The following THSD7B variants were observed in gnomAD, a reference collection of about 807,000 sequenced individuals.
The protein encoded by THSD7B is thrombospondin type-1 domain-containing protein 7B.
Under a neutral mutation model 213.6 loss-of-function variants are expected in THSD7B, and 138 were observed. The observed-to-expected ratio is 0.65, with a 90% CI of 0.56 to 0.74. THSD7B has a LOEUF of 0.74. THSD7B is among the 30% of genes least tolerant of loss of function. The probability of loss-of-function intolerance (pLI) is 0.00; values close to 1 mark genes in which losing one functional copy is unlikely to be tolerated. For missense variants in THSD7B, 1,931 were observed against 1,991.5 expected (o/e 0.97, Z 0.58); for synonymous variants, 742 against 687.0 (o/e 1.08, Z -1.25).
intron 12 of THSD7B, among the ~76,000 whole-genome samples, chr2:137,367,023 G>A (rs528091249): frequency 3.7e-4 from 56 of 151,666 alleles, no homozygotes; most frequent in African/African-American, 1.2e-3. Context: ...ATATGTACTC[G>A]TTTCAGACTT....
intron 14 of THSD7B, among the ~76,000 whole-genome samples, chr2:137,417,037 A>G (rs1384800416): frequency 6.6e-6 from 1 of 152,250 alleles, no homozygotes; most frequent in Non-Finnish European, 1.5e-5. Context: ...TATTTTCATT[A>G]GTATATCATC....
At chr2:137,076,276 TA>T (rs1687620323) in intron 3 of THSD7B, among the ~76,000 whole-genome samples, 1 of 152,178 alleles carries the variant, frequency 6.6e-6, no homozygotes, top group Non-Finnish European at 1.5e-5. Flanking sequence ...CTAATCAAAC[TA>T]ATTCGACAAT....
At chr2:136,959,126 C>T (rs924504674) in intron 2 of THSD7B, among the ~76,000 whole-genome samples, 2 of 152,180 alleles carry the variant, frequency 1.3e-5, no homozygotes, top group Non-Finnish European at 2.9e-5. Context: ...AGAGGTTAGA[C>T]ACTACCTAGG....
At chr2:137,194,157 C>A (rs985952423) in intron 7 of THSD7B, among the ~76,000 whole-genome samples, 7 of 152,136 alleles carry the variant, frequency 4.6e-5, no homozygotes, top group African/African-American at 1.7e-4. Flanking sequence ...TGGAGAAAAC[C>A]CATCTTCCAA....
chr2:136,770,344 G>C lies in THSD7B; in HGVS notation c.-36+4657G>C, dbSNP rs2104897767. On this transcript the variant is annotated intron_variant, in intron 1 of 27. Transcript: ENST00000409968. ...GTTTGCTTCTGGGCTCTCCTCTATTGATTTTTGCCTTTTGTGCTTACGTTA... is the reference window on the plus strand; with the variant it reads ...GTTTGCTTCTGGGCTCTCCTCTATTCATTTTTGCCTTTTGTGCTTACGTTA... Among the ~76,000 whole-genome samples, 5 of 152,238 alleles carry C rather than the reference G, an allele frequency of 3.3e-5. No individual in the cohort carries two copies. The South Asian group carries it at 1.0e-3, about 32-fold the overall frequency.
At chr2:137,567,713 G>C (rs988734647) in intron 16 of THSD7B, among the ~76,000 whole-genome samples, 4 of 152,096 alleles carry the variant, frequency 2.6e-5, no homozygotes, top group Non-Finnish European at 4.4e-5. Flanking sequence ...AGCAACGTTA[G>C]GAATAATGGC....
intron 3 of THSD7B, among the ~76,000 whole-genome samples, chr2:137,080,407 T>G (rs1349188150): frequency 6.9e-6 from 1 of 145,680 alleles, no homozygotes; most frequent in Non-Finnish European, 1.5e-5. Context: ...AGAGACAGGG[T>G]TTCACCATGT....
At chr2:136,858,823 A>T (rs969082421) in intron 1 of THSD7B, among the ~76,000 whole-genome samples, 7 of 152,190 alleles carry the variant, frequency 4.6e-5, no homozygotes, top group Non-Finnish European at 5.9e-5. Context: ...ATATCTTCCC[A>T]TGGTGCGCCC....
chr2:136,975,608 G>A (rs1042156641), intron 2 of THSD7B, among the ~76,000 whole-genome samples: 1 of 152,174 alleles, frequency 6.6e-6, no homozygotes, highest in African/African-American at 2.4e-5. Flanking sequence ...ATAGTTTGAA[G>A]TCAGGTAGTT....
At chr2:136,885,249 C>A in intron 2 of THSD7B, among the ~76,000 whole-genome samples, 1 of 151,730 alleles carries the variant, frequency 6.6e-6, no homozygotes, top group East Asian at 1.9e-4. Context: ...TTGTTCCCCA[C>A]CCCCACACCC....
At chr2:137,281,475 G>C (rs1392595235) in intron 12 of THSD7B, among the ~76,000 whole-genome samples, 1 of 151,824 alleles carries the variant, frequency 6.6e-6, no homozygotes, top group Non-Finnish European at 1.5e-5. Context: ...TGTTACATAT[G>C]TATACATGTG....
chr2:137,125,684 C>T lies in THSD7B; in HGVS notation c.1369+10391C>T, dbSNP rs568257964. ...TCTTAATGGCATCTAGAATGGTGAA[C>T]GCATTTTCAATTTACTTTTCATTTA... On this transcript the variant is annotated intron_variant, in intron 5 of 27. Coordinates refer to ENST00000409968, the MANE Select transcript of THSD7B (RefSeq NM_001316349.2). Among the ~76,000 whole-genome samples the T allele has an allele frequency of 5.3e-5, 8 of 152,214 alleles. No individual in the cohort carries two copies. The South Asian group carries it at 6.2e-4, about 12-fold the overall frequency.
chr2:137,402,046 G>A (rs748794262), intron 12 of THSD7B, among the ~76,000 whole-genome samples: 1 of 152,146 alleles, frequency 6.6e-6, no homozygotes, highest in Non-Finnish European at 1.5e-5. Context: ...TACTTGCTTG[G>A]AGAATGATCA....
chr2:137,019,297 A>G (rs1298947152), intron 2 of THSD7B, among the ~76,000 whole-genome samples: 1 of 152,140 alleles, frequency 6.6e-6, no homozygotes. Context: ...GAAAACCCGT[A>G]TTTATGTTTC....
chr2:137,355,938 CTGAGAGTGTTAG>C (rs1210720276), intron 12 of THSD7B, among the ~76,000 whole-genome samples: 3 of 152,112 alleles, frequency 2.0e-5, no homozygotes, highest in Non-Finnish European at 4.4e-5. Context: ...CTTTGCCCAT[CTGAGAGTGTTAG>C]GCATGGTAGT....
At chr2:137,344,834 A>G (rs1395835944) in intron 12 of THSD7B, among the ~76,000 whole-genome samples, 2 of 151,762 alleles carry the variant, frequency 1.3e-5, no homozygotes, top group East Asian at 3.9e-4. Context: ...GCCCTTGCAT[A>G]TCCTCTGCAT....
At chr2:137,212,856 C>T (rs1017155345) in intron 7 of THSD7B, among the ~76,000 whole-genome samples, 9 of 151,776 alleles carry the variant, frequency 5.9e-5, no homozygotes, top group African/African-American at 2.2e-4. Context: ...AGGAACAAAC[C>T]ACAAATGGTG....
At chr2:137,318,700 A>G (rs1684186855) in intron 12 of THSD7B, among the ~76,000 whole-genome samples, 1 of 151,316 alleles carries the variant, frequency 6.6e-6, no homozygotes, top group South Asian at 2.1e-4. Context: ...TTTTGTCTCT[A>G]TACTTAAGAG....
chr2:137,351,579 C>A (rs1685015195), intron 12 of THSD7B, among the ~76,000 whole-genome samples: 1 of 151,918 alleles, frequency 6.6e-6, no homozygotes, highest in African/African-American at 2.4e-5. Flanking sequence ...CGATGAGTGA[C>A]CCTTGATAGA....
Sources: gnomAD v4.1 joint callset for allele counts (sites outside exome capture counted in the v4.1 genomes callset) on GRCh38, gnomAD v4.1.1 for gene constraint, MANE v1.5 for transcripts, NCBI Gene and HGNC (gene_info 2026-07-23, HGNC 2026-07-21) for gene names.